Variants in DNAJB6 observed in about 807,000 individuals in gnomAD.
The protein encoded by DNAJB6 is dnaJ homolog subfamily B member 6.
DNAJB6 carries 16 observed loss-of-function variants against 42.7 expected under a neutral mutation model. The ratio of observed to expected loss-of-function variants is 0.37; its 90% CI spans 0.25 to 0.57. The LOEUF (loss-of-function observed/expected upper bound fraction) is 0.57. DNAJB6 is among the 20% of genes least tolerant of loss of function. The pLI is 0.74. For missense variants in DNAJB6, 347 were observed against 416.8 expected, an observed-to-expected ratio of 0.83 and a Z score of 1.46; for synonymous variants, 170 against 163.5, an observed-to-expected ratio of 1.04 and a Z score of -0.30.
At chr7:157,352,453 A>G (rs1468381476) in intron 1 of DNAJB6, among the ~76,000 whole-genome samples, 1 of 151,746 alleles carries the variant, frequency 6.6e-6, no homozygotes, top group African/African-American at 2.4e-5. Flanking sequence ...TTACTCTCTG[A>G]ATATTTATTC....
At chr7:157,340,220 T>G (rs911629597) in intron 1 of DNAJB6, among the ~76,000 whole-genome samples, 1 of 152,240 alleles carries the variant, frequency 6.6e-6, no homozygotes, top group Admixed American at 6.5e-5. Context: ...TTGGAAACCT[T>G]TTTAAAACTT....
intron 1 of DNAJB6, among the ~76,000 whole-genome samples, chr7:157,340,597 A>G (rs568539929): frequency 1.3e-5 from 2 of 152,126 alleles, no homozygotes; most frequent in South Asian, 2.1e-4. Flanking sequence ...ATGTTTTTGT[A>G]TGGACATAAA....
chr7:157,416,082 C>T lies in DNAJB6; in HGVS notation c.965C>T (p.Thr322Ile), dbSNP rs767372593. The T allele has an allele frequency of 1.2e-6, 2 of 1,613,946 alleles. No individual in the cohort carries two copies. Among genetic ancestry groups the T allele is most frequent in the Non-Finnish European group, 1.7e-6 (2 of 1,179,888 alleles). ...GAGGAGTCGAAGAAGAAGAAGTCGA[C>T]CAAAGGCAATCACTAGACCGGACTT... ...QREESKKKKS[T>I]KGNH is the part of the protein sequence containing the mutation. The change falls in exon 10 of 10, where the codon ACC (threonine) becomes ATC (isoleucine). Residue 322 changes from threonine to isoleucine, a missense_variant. Around this residue, in one of 3 missense-constraint regions of DNAJB6, gnomAD observed 264 missense variants for 288.0 expected, o/e 0.92. Transcript: ENST00000262177.
At chr7:157,348,247 C>G (rs1387795026) in intron 1 of DNAJB6, among the ~76,000 whole-genome samples, 2 of 151,938 alleles carry the variant, frequency 1.3e-5, no homozygotes, top group African/African-American at 2.4e-5. Flanking sequence ...CGCCCACCAC[C>G]TTGCCCAGCT....
intron 1 of DNAJB6, among the ~76,000 whole-genome samples, chr7:157,355,286 G>A (rs1055906824): frequency 1.7e-4 from 26 of 152,126 alleles, no homozygotes; most frequent in Non-Finnish European, 1.3e-4. Flanking sequence ...TCACCATCCC[G>A]AGTAGCTGGG....
chr7:157,390,695 T>C (rs1801299266), intron 8 of DNAJB6, among the ~76,000 whole-genome samples: 1 of 152,132 alleles, frequency 6.6e-6, no homozygotes, highest in Non-Finnish European at 1.5e-5. Context: ...AGAGGTGACC[T>C]TTTCCTCTGC....
At chr7:157,382,072 CTG>C (rs1800809374) in intron 5 of DNAJB6, 172 bp from the exon 6 acceptor site, 2 of 515,726 alleles carry the variant, frequency 3.9e-6, no homozygotes, top group African/African-American at 2.0e-5. Flanking sequence ...GTTAGTAAAA[CTG>C]TTGGTGAGGT....
intron 6 of DNAJB6, 124 bp from the exon 7 acceptor site, chr7:157,384,743 G>GT (rs1338601770): frequency 3.1e-6 from 3 of 955,122 alleles, no homozygotes; most frequent in East Asian, 4.9e-5. Context: ...TAGTTGCGTC[G>GT]TTTATTACTC....
chr7:157,400,960 C>T (rs1801831664), intron 8 of DNAJB6, among the ~76,000 whole-genome samples: 1 of 152,186 alleles, frequency 6.6e-6, no homozygotes, highest in Admixed American at 6.5e-5. Context: ...GGTTTGATGA[C>T]CTCTTTCTGT....
intron 1 of DNAJB6, among the ~76,000 whole-genome samples, chr7:157,339,601 TTGTGTGTGTGTGTGTGTG>T (rs59577692): frequency 2.5e-5 from 3 of 122,326 alleles, no homozygotes; most frequent in Admixed American, 1.8e-4. Flanking sequence ...GCCCGGCCTT[TTGTGTGTGTGTGTGTGTG>T]TGTGTGTGTG....
chr7:157,404,466 CTTTTTTTTTTT>C (rs55793060), intron 8 of DNAJB6, among the ~76,000 whole-genome samples: 2 of 103,186 alleles, frequency 1.9e-5, no homozygotes, highest in South Asian at 3.2e-4. Context: ...TAATTTTTGT[CTTTTTTTTTTT>C]TTTTTTTTGA....
At chr7:157,400,297 G>A (rs1801795174) in intron 8 of DNAJB6, among the ~76,000 whole-genome samples, 1 of 150,934 alleles carries the variant, frequency 6.6e-6, no homozygotes, top group Middle Eastern at 3.5e-3. Flanking sequence ...CCGCGCCTTC[G>A]TGTACGCACT....
chr7:157,398,502 C>T (rs750766357), intron 8 of DNAJB6, among the ~76,000 whole-genome samples: 1 of 152,220 alleles, frequency 6.6e-6, no homozygotes, highest in African/African-American at 2.4e-5. Context: ...TCCTGCACTC[C>T]ATTCAGACTC....
intron 1 of DNAJB6, among the ~76,000 whole-genome samples, chr7:157,352,468 G>C (rs138540870): frequency 0.011 from 1,702 of 151,996 alleles, 26 homozygotes; most frequent in African/African-American, 0.038. Context: ...TTATTCAGTT[G>C]AATGTGGAAT....
intron 5 of DNAJB6, chr7:157,369,282 T>G (rs538696561): frequency 2.2e-6 from 1 of 456,744 alleles, no homozygotes; most frequent in East Asian, 6.9e-5. Context: ...AAAAATAATT[T>G]ACGGATTGAT....
chr7:157,405,721 C>T (rs1264266056), intron 8 of DNAJB6, among the ~76,000 whole-genome samples: 2 of 152,198 alleles, frequency 1.3e-5, no homozygotes, highest in Admixed American at 6.5e-5. Flanking sequence ...AGGGCTGATC[C>T]CGTTGTGGCC....
At chr7:157,407,812 G>A (rs960788671) in intron 8 of DNAJB6, among the ~76,000 whole-genome samples, 7 of 152,244 alleles carry the variant, frequency 4.6e-5, no homozygotes, top group Non-Finnish European at 8.8e-5. Flanking sequence ...CAGGGTCCAG[G>A]CAGCTGGGAA....
intron 5 of DNAJB6, among the ~76,000 whole-genome samples, chr7:157,375,612 T>C (rs891848799): frequency 1.3e-5 from 2 of 152,236 alleles, no homozygotes; most frequent in African/African-American, 4.8e-5. Context: ...AGAGAAACAC[T>C]GAAGCCCTGT....
chr7:157,407,250 G>A (rs569143152), intron 8 of DNAJB6, among the ~76,000 whole-genome samples: 7 of 152,302 alleles, frequency 4.6e-5, no homozygotes, highest in Non-Finnish European at 1.0e-4. Context: ...AGCGGCTCAC[G>A]CTTGGCTCTG....
Sources: gnomAD v4.1 joint callset for allele counts (sites outside exome capture counted in the v4.1 genomes callset) on GRCh38, gnomAD v4.1.1 for gene constraint, gnomAD v4.1.1 regional missense constraint, MANE v1.5 for transcripts, NCBI Gene and HGNC (gene_info 2026-07-23, HGNC 2026-07-21) for gene names.